The following CCDC6 variants were observed in gnomAD, a reference collection of about 807,000 sequenced individuals.
CCDC6 encodes coiled-coil domain containing 6.
CCDC6 carries 20 observed loss-of-function variants against 56.6 expected under a neutral mutation model. The observed-to-expected ratio is 0.35, with a 90% CI of 0.25 to 0.51. The LOEUF (loss-of-function observed/expected upper bound fraction) is 0.51, where lower values mean the gene tolerates loss of function less well. CCDC6 is among the 20% of genes least tolerant of loss of function. CCDC6 has a pLI of 0.95. For missense variants in CCDC6, 367 were observed against 601.1 expected, an observed-to-expected ratio of 0.61 and a Z score of 4.07; for synonymous variants, 241 against 234.4, an observed-to-expected ratio of 1.03 and a Z score of -0.26.
rs1415382745 is a variant in CCDC6 at position 59,853,878 on chromosome 10, T to TTTTAATG, written c.304-1177_304-1176insCATTAAA. Among the ~76,000 whole-genome samples the TTTTAATG allele has an allele frequency of 3.9e-5, 6 of 152,194 alleles. No individual in the cohort carries two copies. In the East Asian group the frequency reaches 1.2e-3, roughly 29 times the overall value. ...CCCTCCTCTCTCCCTGAAAAAAATG[T>TTTTAATG]TTTAATAGATTAGGCTTATTATTAT... On this transcript the variant is annotated intron_variant, in intron 1 of 8. Coordinates refer to ENST00000263102, the MANE Select transcript of CCDC6 (RefSeq NM_005436.5).
At chr10:59,848,695 T>C (rs192203912) in intron 2 of CCDC6, among the ~76,000 whole-genome samples, 64 of 152,322 alleles carry the variant, frequency 4.2e-4, no homozygotes, top group Admixed American at 3.6e-3. Flanking sequence ...ATCGGCAACA[T>C]TAAGTGAGAA....
intron 3 of CCDC6, among the ~76,000 whole-genome samples, chr10:59,832,210 A>G (rs888806088): frequency 6.6e-6 from 1 of 152,248 alleles, no homozygotes; most frequent in African/African-American, 2.4e-5. Context: ...ACTTTCACAG[A>G]AACTATCCTG....
intron 1 of CCDC6, among the ~76,000 whole-genome samples, chr10:59,878,946 G>C (rs2071308287): frequency 6.6e-6 from 1 of 152,180 alleles, no homozygotes; most frequent in Non-Finnish European, 1.5e-5. Flanking sequence ...TTGGAGGGAA[G>C]GGATATCTTC....
chr10:59,834,582 G>GA (rs947764247), intron 2 of CCDC6, among the ~76,000 whole-genome samples: 11 of 147,024 alleles, frequency 7.5e-5, no homozygotes, highest in Non-Finnish European at 1.0e-4. Flanking sequence ...AAAAAAAAAA[G>GA]AAAAAAAAAT....
At chr10:59,802,245 T>C (rs376453092) in intron 7 of CCDC6, among the ~76,000 whole-genome samples, 107 of 152,330 alleles carry the variant, frequency 7.0e-4, no homozygotes, top group African/African-American at 2.4e-3. Context: ...ATTTTCAATA[T>C]GTAATTGCCA....
intron 3 of CCDC6, among the ~76,000 whole-genome samples, chr10:59,816,410 G>T (rs1185749052): frequency 6.6e-6 from 1 of 152,012 alleles, no homozygotes; most frequent in Non-Finnish European, 1.5e-5. Flanking sequence ...CCTACAAACA[G>T]GTACAGTCAC....
rs554376375 is a variant in CCDC6, at chr10:59,888,088, T to C, written c.303+18034A>G. Among the ~76,000 whole-genome samples, 3 of 152,304 alleles carry C rather than the reference T, an allele frequency of 2.0e-5. No individual in the cohort carries two copies. In the South Asian group the frequency reaches 6.2e-4, roughly 32 times the overall value. On this transcript the variant is annotated intron_variant, in intron 1 of 8. Coordinates refer to ENST00000263102, the MANE Select transcript of CCDC6 (RefSeq NM_005436.5). ...AAGCTGCAGATTTCAGAGCTGGAGA[T>C]TCTGGGCAAAGACTGCTTGTTATTC...
At position 59,794,456 on chromosome 10, in the gene CCDC6, AC is replaced by A. The variant is rs757020898; in HGVS notation, c.1230+16del. ...TTTCAGGAGTAAAGTGCTGCTTCCT[AC>A]CCCACGGACACTTACTGTGATACCA... On this transcript the variant is annotated intron_variant, in intron 8 of 8. Transcript: ENST00000263102. The A allele has an allele frequency of 5.0e-6, 8 of 1,613,592 alleles. No homozygotes were observed. The highest frequency in any genetic ancestry group is 6.8e-6 in the Non-Finnish European group (8 of 1,179,764).
rs779654213 is a variant in CCDC6 at position 59,833,643 on chromosome 10, G to T, written c.454-990C>A. ...TTATTTTTATAACACTCTCAACTGGGGGGGGGGGGGGTTTGTTGATCCACA... is the reference window on the plus strand; with the variant it reads ...TTATTTTTATAACACTCTCAACTGGTGGGGGGGGGGGTTTGTTGATCCACA... On this transcript the variant is annotated intron_variant, in intron 2 of 8. Coordinates refer to ENST00000263102, the MANE Select transcript of CCDC6 (RefSeq NM_005436.5). 7.1e-5 allele frequency among the ~76,000 whole-genome samples: 7 copies of T among 99,034 alleles called. 1 individual carries two copies. The highest frequency in any genetic ancestry group is 1.3e-4 in the Non-Finnish European group (7 of 53,220). The allele number at this position is 99,034 out of a possible 152,430, so 65.0% of individuals were successfully genotyped here.
chr10:59,898,073 A>G lies in CCDC6; in HGVS notation c.303+8049T>C, dbSNP rs116607574. On this transcript the variant is annotated intron_variant, in intron 1 of 8. Transcript: ENST00000263102. ...AAAAAACTAGAATTCAAAATTTCCT[A>G]TAAAATAGTACCTCTAATTTTACTG... Among the ~76,000 whole-genome samples, 124 of 152,346 alleles carry G rather than the reference A, an allele frequency of 8.1e-4. 1 individual carries two copies. Among genetic ancestry groups the G allele is most frequent in the African/African-American group, 3.0e-3 (123 of 41,580 alleles).
chr10:59,900,309 G>A (rs1291350970), intron 1 of CCDC6, among the ~76,000 whole-genome samples: 2 of 152,158 alleles, frequency 1.3e-5, no homozygotes, highest in African/African-American at 2.4e-5. Context: ...GGCATACCAG[G>A]AAGGGGTTCA....
In CCDC6 at chr10:59,906,395, C is replaced by A; in HGVS notation, c.30G>T (p.Thr10=). 1 of 1,581,590 alleles carries A rather than the reference C, an allele frequency of 6.3e-7. No homozygotes were observed. The highest frequency in any genetic ancestry group is 1.1e-5 in the South Asian group (1 of 89,018). The change falls in exon 1 of 9, where the codon ACG becomes ACT. Residue 10 remains threonine, a synonymous_variant. Coordinates refer to ENST00000263102, the MANE Select transcript of CCDC6 (RefSeq NM_005436.5). ...TGCTGCTGTTGCCCCCCGCCCCGTC[C>A]GTGTCGCTCTCGCTGGCGCTGTCCG... MADSASESD[T]DGAGGNSSSS...
intron 2 of CCDC6, among the ~76,000 whole-genome samples, chr10:59,835,865 C>T (rs2070877696): frequency 6.6e-6 from 1 of 152,008 alleles, no homozygotes; most frequent in South Asian, 2.1e-4. Context: ...TGCGACCAGC[C>T]TAGGCAACAG....
rs1317179840 is a variant in CCDC6 at position 59,906,231 on chromosome 10, G to A, written c.194C>T (p.Ser65Leu). ...CAGCACCTTGTTCTCTTGCTGCAGCGAGGCCAGGCGGTTGGTGAGCTCCTC... is the reference window on the plus strand; with the variant it reads ...CAGCACCTTGTTCTCTTGCTGCAGCAAGGCCAGGCGGTTGGTGAGCTCCTC... ...RLEELTNRLA[S>L]LQQENKVLKI... is the part of the protein sequence containing the mutation. The change falls in exon 1 of 9, where the codon TCG (serine) becomes TTG (leucine). Residue 65 changes from serine (S) to leucine (L), a missense_variant. Around this residue, in one of 7 missense-constraint regions of CCDC6, gnomAD observed 41 missense variants for 90.8 expected, o/e 0.45. Transcript: ENST00000263102. 6.2e-7 allele frequency: 1 copy of A among 1,613,494 alleles called. No homozygotes were observed. The highest frequency in any genetic ancestry group is 1.7e-5 in the Admixed American group (1 of 60,018).
chr10:59,853,231 G>A (rs1225584401), intron 1 of CCDC6, among the ~76,000 whole-genome samples: 1 of 152,120 alleles, frequency 6.6e-6, no homozygotes, highest in East Asian at 1.9e-4. Flanking sequence ...GTTTGGATAT[G>A]CCATTAAAAA....
intron 1 of CCDC6, among the ~76,000 whole-genome samples, chr10:59,876,513 C>G (rs1197812402): frequency 2.0e-5 from 3 of 150,690 alleles, no homozygotes; most frequent in African/African-American, 7.3e-5. Context: ...TTTTTTTTCC[C>G]TTAACTAGGC....
At chr10:59,892,455 G>A (rs955337873) in intron 1 of CCDC6, among the ~76,000 whole-genome samples, 8 of 152,246 alleles carry the variant, frequency 5.3e-5, no homozygotes, top group South Asian at 2.1e-4. Flanking sequence ...AACATGGGTC[G>A]TTAGAAGCCA....
Position 59,852,708 on chromosome 10 carries a change from T to TAAA in CCDC6, c.304-9_304-7dup. On this transcript the variant is annotated splice_polypyrimidine_tract_variant and splice_region_variant and intron_variant, in intron 1 of 8. Coordinates refer to ENST00000263102, the MANE Select transcript of CCDC6 (RefSeq NM_005436.5). ...TCCTGCTCAGCCCTGGCTTGCTGTT[T>TAAA]AAAAAAAAAAAAGGAAAGAACAAAA... 8.7e-6 allele frequency: 11 copies of TAAA among 1,258,512 alleles called. No homozygotes were observed. Among genetic ancestry groups the TAAA allele is most frequent in the South Asian group, 3.1e-5 (2 of 64,114 alleles). The allele number at this position is 1,258,512 out of a possible 1,614,324, so 78.0% of individuals were successfully genotyped here. A position where few individuals can be genotyped will look rare whatever the true frequency, so the allele number is the denominator to read the frequency against.
At chr10:59,803,349 G>A (rs1234865362) in intron 7 of CCDC6, among the ~76,000 whole-genome samples, 1 of 151,790 alleles carries the variant, frequency 6.6e-6, no homozygotes, top group Non-Finnish European at 1.5e-5. Flanking sequence ...GCAGCACAGT[G>A]CTGTGAACTT....
Sources: allele counts gnomAD v4.1 joint callset (sites outside exome capture counted in the v4.1 genomes callset), GRCh38; gene constraint gnomAD v4.1.1; regional missense constraint gnomAD v4.1.1; transcripts MANE v1.5; gene names NCBI Gene and HGNC (gene_info 2026-07-23, HGNC 2026-07-21).